Variants in GALNT13 observed in about 807,000 individuals in gnomAD.
GALNT13 encodes polypeptide N-acetylgalactosaminyltransferase 13.
In GALNT13, 28 loss-of-function variants were observed where a neutral mutation model predicts 64.2. The observed-to-expected ratio is 0.44, with a 90% confidence interval of 0.32 to 0.60. The LOEUF is 0.60. Among genes scored for constraint, GALNT13 ranks in the 20% least tolerant of loss-of-function variants. The pLI is 0.05. For missense variants in GALNT13, 577 were observed against 669.8 expected, an observed-to-expected ratio of 0.86 and a Z score of 1.53; for synonymous variants, 214 against 224.6, an observed-to-expected ratio of 0.95 and a Z score of 0.42.
the GALNT13 span, among the ~76,000 whole-genome samples, chr2:153,561,451 G>A: frequency 1.3e-5 from 2 of 151,888 alleles, no homozygotes; most frequent in African/African-American, 2.4e-5. Context: ...TAGCCTGAAG[G>A]TAATTTTATA....
the GALNT13 span, among the ~76,000 whole-genome samples, chr2:153,862,090 G>A: frequency 6.6e-6 from 1 of 152,074 alleles, no homozygotes; most frequent in Non-Finnish European, 1.5e-5. Flanking sequence ...TATGAGAGGT[G>A]GCTATAAAAG....
the GALNT13 span, among the ~76,000 whole-genome samples, chr2:153,151,261 C>G: frequency 6.6e-6 from 1 of 152,002 alleles, no homozygotes; most frequent in East Asian, 1.9e-4. Context: ...CAGAGAAATG[C>G]AAATCAAAAC....
At chr2:154,225,114 A>AGAT in intron 4 of GALNT13, among the ~76,000 whole-genome samples, 1 of 139,994 alleles carries the variant, frequency 7.1e-6, no homozygotes, top group South Asian at 2.4e-4. Context: ...ATAGATAGAT[A>AGAT]GATAGATAGA....
the GALNT13 span, among the ~76,000 whole-genome samples, chr2:153,727,092 A>T: frequency 1.2e-4 from 19 of 152,268 alleles, no homozygotes; most frequent in Middle Eastern, 6.8e-3. Context: ...AACCTGTAAA[A>T]CATTAATTAC....
intron 8 of GALNT13, among the ~76,000 whole-genome samples, chr2:154,266,905 G>C (rs903944815): frequency 6.6e-6 from 1 of 151,520 alleles, no homozygotes; most frequent in Admixed American, 6.6e-5. Flanking sequence ...AGCTAAAAAT[G>C]CATTAATAAA....
chr2:154,120,692 C>T, intron 3 of GALNT13, among the ~76,000 whole-genome samples: 1 of 152,096 alleles, frequency 6.6e-6, no homozygotes, highest in East Asian at 1.9e-4. Context: ...GGGAGTCTTC[C>T]TGTCTTGGTC....
the GALNT13 span, among the ~76,000 whole-genome samples, chr2:153,750,608 C>T: frequency 6.6e-6 from 1 of 151,638 alleles, no homozygotes; most frequent in African/African-American, 2.4e-5. Flanking sequence ...ACTTTGTGGA[C>T]TTACGTTGCT....
At chr2:153,717,581 G>A in the GALNT13 span, among the ~76,000 whole-genome samples, 1 of 152,140 alleles carries the variant, frequency 6.6e-6, no homozygotes, top group South Asian at 2.1e-4. Context: ...GCTTATATAA[G>A]ACAACACAAA....
At chr2:154,286,718 G>A (rs1692288301) in intron 8 of GALNT13, 1 of 301,660 alleles carries the variant, frequency 3.3e-6, no homozygotes, top group Non-Finnish European at 6.6e-6. Context: ...GACTGATTCT[G>A]TGGCATACAG....
chr2:153,193,488 C>G, the GALNT13 span, among the ~76,000 whole-genome samples: 1 of 150,766 alleles, frequency 6.6e-6, no homozygotes, highest in Non-Finnish European at 1.5e-5. Context: ...GGAGATATAC[C>G]TAATGCTAGA....
intron 3 of GALNT13, among the ~76,000 whole-genome samples, chr2:153,966,159 G>A (rs1447813621): frequency 1.3e-5 from 2 of 150,310 alleles, no homozygotes; most frequent in Admixed American, 6.6e-5. Context: ...CTTTGTCTGG[G>A]AAAGTCTTCA....
At chr2:153,353,176 T>C in the GALNT13 span, among the ~76,000 whole-genome samples, 1 of 152,124 alleles carries the variant, frequency 6.6e-6, no homozygotes, top group African/African-American at 2.4e-5. Context: ...CATATTCATA[T>C]TTCATTAGAT....
chr2:153,327,654 T>C, the GALNT13 span, among the ~76,000 whole-genome samples: 7 of 151,972 alleles, frequency 4.6e-5, no homozygotes, highest in African/African-American at 1.7e-4. Flanking sequence ...AGATCATTTA[T>C]ATTCTTCTCT....
intron 3 of GALNT13, among the ~76,000 whole-genome samples, chr2:154,053,054 T>G (rs1699723451): frequency 6.6e-6 from 1 of 152,154 alleles, no homozygotes; most frequent in Admixed American, 6.5e-5. Flanking sequence ...TTGACTATTT[T>G]TTGGTTATCA....
chr2:153,303,241 T>C, the GALNT13 span, among the ~76,000 whole-genome samples: 2 of 152,146 alleles, frequency 1.3e-5, no homozygotes, highest in Non-Finnish European at 2.9e-5. Flanking sequence ...TATTTTTTAG[T>C]GTACAGGTCT....
At chr2:153,503,358 T>C in the GALNT13 span, among the ~76,000 whole-genome samples, 3 of 152,192 alleles carry the variant, frequency 2.0e-5, no homozygotes, top group African/African-American at 7.2e-5. Flanking sequence ...CTTAATGTTT[T>C]TGTTTGCTTT....
chr2:153,833,221 A>G, the GALNT13 span, among the ~76,000 whole-genome samples: 1 of 152,154 alleles, frequency 6.6e-6, no homozygotes, highest in South Asian at 2.1e-4. Flanking sequence ...TGTAATCCTT[A>G]TTTTACTTAA....
chr2:153,373,585 A>G, the GALNT13 span, among the ~76,000 whole-genome samples: 2 of 152,170 alleles, frequency 1.3e-5, no homozygotes, highest in African/African-American at 4.8e-5. Context: ...TTTTCAAACT[A>G]AAAACATTTA....
rs530188453 is a variant in GALNT13, at chr2:154,433,547, AG to A, written c.1396-5043del. On this transcript the variant is annotated intron_variant, in intron 11 of 12. Transcript: ENST00000392825. ...AGACTGGGTGAATTTAGGAGTGGGT[AG>A]GAACAGTGAGGAATAAAAAAAAAGC... 2.9e-3 allele frequency among the ~76,000 whole-genome samples: 441 copies of A among 152,270 alleles called. 2 individuals carry two copies. Among genetic ancestry groups the A allele is most frequent in the African/African-American group, 9.6e-3 (400 of 41,570 alleles).
Sources: allele counts gnomAD v4.1 joint callset (sites outside exome capture counted in the v4.1 genomes callset), GRCh38; gene constraint gnomAD v4.1.1; transcripts MANE v1.5; gene names NCBI Gene and HGNC (gene_info 2026-07-23, HGNC 2026-07-21).